The following CSPP1 variants were observed in gnomAD, a reference collection of about 807,000 sequenced individuals.
The protein encoded by CSPP1 is centrosome and spindle pole-associated protein 1.
A neutral mutation model predicts 164.4 loss-of-function variants in CSPP1; 126 were observed. The observed-to-expected ratio is 0.77, with a 90% confidence interval of 0.66 to 0.89. The LOEUF (loss-of-function observed/expected upper bound fraction) is 0.89. CSPP1 is among the 40% of genes least tolerant of loss of function. The pLI is 0.00. For synonymous variants in CSPP1, 472 were observed against 476.7 expected, an observed-to-expected ratio of 0.99 and a Z score of 0.13; for missense variants, 1,395 against 1,449.8, an observed-to-expected ratio of 0.96 and a Z score of 0.61.
chr8:67,091,847 A>G lies in CSPP1; in HGVS notation c.348A>G (p.Gly116=). The G allele has an allele frequency of 1.5e-6, 2 of 1,351,216 alleles. No homozygotes were observed. The highest frequency in any genetic ancestry group is 2.0e-6 in the Non-Finnish European group (2 of 1,013,126). The allele number at this position is 1,351,216 out of a possible 1,614,324, so 83.7% of individuals were successfully genotyped here. ...GTGAAACAGATCCATCTACTTTGGG[A>G]GTTTCTCTTCCTATTGGTGAGAGGT... ...STSETDPSTL[G]VSLPIGERLS... Residue 116 remains glycine, a synonymous_variant, in exon 5 of 31, where the codon GGA becomes GGG. Transcript: ENST00000678616.
At position 67,132,046 on chromosome 8, in the gene CSPP1, C is replaced by T. The variant is rs752648207; in HGVS notation, c.1793C>T (p.Ser598Leu). The change falls in exon 16 of 31, where the codon TCA becomes TTA. Residue 598 changes from serine (S) to leucine (L), a missense_variant. By Grantham distance (145) the Ser-to-Leu change is moderately radical (BLOSUM62 -2). Transcript: ENST00000678616. ...GATAAACCGAAACCTTCCAAACAGT[C>T]ACTTCAGTCTTACCAAGAGGCTTTG... ...FEDKPKPSKQ[S>L]LQSYQEALQQ... 92 of 1,613,422 alleles carry T rather than the reference C, an allele frequency of 5.7e-5. 2 individuals are homozygous for T. The highest frequency in any genetic ancestry group is 5.3e-4 in the South Asian group (48 of 90,948).
rs376244039 is a variant in CSPP1 at position 67,085,994 on chromosome 8, G to T, written c.200-13G>T. On this transcript the variant is annotated splice_polypyrimidine_tract_variant and intron_variant, in intron 3 of 30. Transcript: ENST00000678616. ...TGAAAATGAATTATACTAAGAAGTT[G>T]TTTTTTTTCTAGGAATTGATTATGG... The T allele has an allele frequency of 4.5e-6, 5 of 1,100,366 alleles. No homozygotes were observed. In the African/African-American group the frequency reaches 6.2e-5, roughly 14 times the overall value. 68.2% of individuals were successfully genotyped at this position (1,100,366 alleles called of 1,614,324 possible).
At chr8:67,080,934 T>A (rs984702159) in intron 3 of CSPP1, 1 of 152,220 alleles carries the variant, frequency 6.6e-6, no homozygotes, top group Non-Finnish European at 1.5e-5. Context: ...TAGGAATGAT[T>A]GGTTGAATTG....
chr8:67,176,832 G>C (rs927055058), intron 26 of CSPP1, among the ~76,000 whole-genome samples: 1 of 152,088 alleles, frequency 6.6e-6, no homozygotes, highest in Non-Finnish European at 1.5e-5. Context: ...AGCGCTTTGG[G>C]AGGCTGAAGT....
intron 28 of CSPP1, among the ~76,000 whole-genome samples, chr8:67,185,220 C>T (rs1175385592): frequency 2.0e-5 from 3 of 152,320 alleles, no homozygotes; most frequent in South Asian, 2.1e-4. Flanking sequence ...TGTTTATCTC[C>T]GTCCACCTTC....
chr8:67,139,685 C>G (rs1053013547), intron 17 of CSPP1, among the ~76,000 whole-genome samples: 1 of 152,182 alleles, frequency 6.6e-6, no homozygotes, highest in Non-Finnish European at 1.5e-5. Flanking sequence ...GAGTTCATGT[C>G]CTTTGCAGGG....
At position 67,170,721 on chromosome 8, in the gene CSPP1, A is replaced by G. The variant is rs573545076; in HGVS notation, c.2829-1695A>G. 2.6e-5 allele frequency among the ~76,000 whole-genome samples: 4 copies of G among 152,302 alleles called. No individual in the cohort carries two copies. In the South Asian group the frequency reaches 6.2e-4, roughly 24 times the overall value. ...CATCTGAGGATTTTGAAAAATTTCA[A>G]TAACGTTATAAATATGCTATATTTT... On this transcript the variant is annotated intron_variant, in intron 24 of 30. Coordinates refer to ENST00000678616, the MANE Select transcript of CSPP1 (RefSeq NM_001382391.1).
At chr8:67,120,193 A>G (rs1818707885) in intron 15 of CSPP1, among the ~76,000 whole-genome samples, 1 of 152,072 alleles carries the variant, frequency 6.6e-6, no homozygotes, top group Admixed American at 6.5e-5. Context: ...ACGAGGGTTT[A>G]TTTTTGGGCT....
chr8:67,076,093 T>A (rs1050625295), intron 2 of CSPP1, among the ~76,000 whole-genome samples: 22 of 152,186 alleles, frequency 1.4e-4, no homozygotes, highest in African/African-American at 5.3e-4. Context: ...TGCTTTTTTT[T>A]TTTTCCATAA....
intron 29 of CSPP1, among the ~76,000 whole-genome samples, chr8:67,191,412 T>C (rs935594959): frequency 2.6e-5 from 4 of 152,256 alleles, no homozygotes; most frequent in African/African-American, 4.8e-5. Context: ...ATTAGCGTTA[T>C]TATATGTACA....
At chr8:67,189,586 G>A (rs1835637955) in intron 28 of CSPP1, among the ~76,000 whole-genome samples, 1 of 152,148 alleles carries the variant, frequency 6.6e-6, no homozygotes, top group Non-Finnish European at 1.5e-5. Context: ...TCAATTATAT[G>A]TTAAACAATG....
At chr8:67,113,767 T>C (rs1817362607) in intron 10 of CSPP1, 38 bp from the exon 11 acceptor site, 2 of 1,078,868 alleles carry the variant, frequency 1.9e-6, no homozygotes, top group Admixed American at 2.2e-5. Context: ...GATAGTTTAC[T>C]ATATCTTTTT....
intron 28 of CSPP1, among the ~76,000 whole-genome samples, chr8:67,189,989 C>G (rs1006611389): frequency 9.9e-5 from 15 of 152,152 alleles, no homozygotes; most frequent in African/African-American, 3.1e-4. Flanking sequence ...AAATTGGAAC[C>G]CTCTTACAAT....
rs1420951665 is a variant in CSPP1 at position 67,159,924 on chromosome 8, C to CTCT, written c.2538+787_2538+788insTCT. Among the ~76,000 whole-genome samples, 2 of 45,574 alleles carry CTCT rather than the reference C, an allele frequency of 4.4e-5. 1 individual carries two copies. The highest frequency in any genetic ancestry group is 7.7e-5 in the Non-Finnish European group (2 of 25,834). The allele number at this position is 45,574 out of a possible 152,430, so 29.9% of individuals were successfully genotyped here. On this transcript the variant is annotated intron_variant, in intron 21 of 30. Coordinates refer to ENST00000678616, the MANE Select transcript of CSPP1 (RefSeq NM_001382391.1). Reference sequence around the variant, plus strand: ...TCTTTCTTTCTTTCTTTCTTTCTTTCCTTTCCTTCCTTCCTTCCTTCCTTC... The same window carrying CTCT: ...TCTTTCTTTCTTTCTTTCTTTCTTTCTCTCTTTCCTTCCTTCCTTCCTTCCTTC...
intron 15 of CSPP1, among the ~76,000 whole-genome samples, chr8:67,124,914 CA>C (rs1302051125): frequency 6.6e-6 from 1 of 152,124 alleles, no homozygotes; most frequent in African/African-American, 2.4e-5. Context: ...CTCCTGGCCT[CA>C]AACCACCTTG....
At position 67,180,974 on chromosome 8, in the gene CSPP1, T is replaced by C. The variant is rs1832870403; in HGVS notation, c.3220+1048T>C. On this transcript the variant is annotated intron_variant, in intron 28 of 30. Transcript: ENST00000678616. ...CATATTAGTTGTATTTCAGGCCAAT[T>C]ACTTTAGATTTTCATGTGATAAAAT... 3.3e-5 allele frequency among the ~76,000 whole-genome samples: 5 copies of C among 152,144 alleles called. No homozygotes were observed. In the South Asian group the frequency reaches 1.0e-3, roughly 31 times the overall value.
intron 28 of CSPP1, among the ~76,000 whole-genome samples, chr8:67,188,994 G>A (rs897701349): frequency 4.6e-5 from 7 of 152,178 alleles, no homozygotes; most frequent in Non-Finnish European, 7.3e-5. Flanking sequence ...CTTGGAAGCG[G>A]CCCTCCACCA....
intron 13 of CSPP1, 66 bp from the exon 14 acceptor site, chr8:67,118,181 AC>A: frequency 6.5e-7 from 1 of 1,542,992 alleles, no homozygotes; most frequent in African/African-American, 1.4e-5. Context: ...CAAAAGAGTA[AC>A]ATCTTGATTT....
chr8:67,107,707 A>G (rs1815872263), intron 9 of CSPP1, among the ~76,000 whole-genome samples: 1 of 152,166 alleles, frequency 6.6e-6, no homozygotes, highest in African/African-American at 2.4e-5. Context: ...ACTGAAATTT[A>G]TCTTCCTATA....
Sources: allele counts gnomAD v4.1 joint callset (sites outside exome capture counted in the v4.1 genomes callset), GRCh38; gene constraint gnomAD v4.1.1; transcripts MANE v1.5; gene names NCBI Gene and HGNC (gene_info 2026-07-23, HGNC 2026-07-21).